The following PSMD1 variants were observed in gnomAD, a reference collection of about 807,000 sequenced individuals.
PSMD1 encodes proteasome 26S subunit, non-ATPase 1, also known as 26S proteasome non-ATPase regulatory subunit 1.
A neutral mutation model predicts 119.0 loss-of-function variants in PSMD1; 18 were observed. The ratio of observed to expected loss-of-function variants is 0.15; its 90% CI spans 0.10 to 0.22. The LOEUF is 0.22. Ranked by LOEUF, PSMD1 falls within the 10% of genes least tolerant of loss-of-function variation. The pLI is 1.00. For synonymous variants in PSMD1, 374 were observed against 396.6 expected (o/e 0.94, Z 0.68); for missense variants, 702 against 1,158.5 (o/e 0.61, Z 5.72).
At chr2:231,060,487 A>T (rs543784057) in intron 1 of PSMD1, 1 of 152,212 alleles carries the variant, frequency 6.6e-6, no homozygotes, top group African/African-American at 2.4e-5. Flanking sequence ...TTAGTACAAT[A>T]ATTTCCCATA....
rs1401693040 is a variant in PSMD1, at chr2:231,161,477, A to G, written c.2356A>G (p.Thr786Ala). Residue 786 changes from threonine to alanine, a missense_variant, in exon 20 of 25, where the codon ACC becomes GCC. Coordinates refer to ENST00000308696, the MANE Select transcript of PSMD1 (RefSeq NM_002807.4). ...SHFLSLAYTP[T>A]CVIGLNKDLK... ...CTTCCTGTCATTGGCTTATACCCCT[A>G]CCTGTGTCATTGGCCTTAACAAGGA... 6.2e-7 allele frequency: 1 copy of G among 1,613,946 alleles called. No individual in the cohort carries two copies. Among genetic ancestry groups the G allele is most frequent in the Admixed American group, 1.7e-5 (1 of 59,980 alleles).
intron 4 of PSMD1, among the ~76,000 whole-genome samples, chr2:231,064,799 G>A (rs1223045475): frequency 6.6e-6 from 1 of 152,034 alleles, no homozygotes; most frequent in Admixed American, 6.5e-5. Context: ...CCAAGTAGCT[G>A]GGATGACAGG....
At position 231,082,958 on chromosome 2, in the gene PSMD1, C is replaced by G. The variant is rs1239584722; in HGVS notation, c.1489C>G (p.Leu497Val). ...TGCACGTCAAGATGTTTATGATTTG[C>G]TAAAAACAAACCTTTATCAGGATGA... ...GTARQDVYDL[L>V]KTNLYQDDAV... is the part of the protein sequence containing the mutation. Residue 497 changes from leucine to valine, a missense_variant, in exon 13 of 25, where the codon CTA (leucine) becomes GTA (valine). By Grantham distance (32) the Leu-to-Val change is conservative. Around this residue, in one of 9 missense-constraint regions of PSMD1, gnomAD observed 272 missense variants for 511.6 expected, o/e 0.53. Coordinates refer to ENST00000308696, the MANE Select transcript of PSMD1 (RefSeq NM_002807.4). 1 of 1,613,806 alleles carries G rather than the reference C, an allele frequency of 6.2e-7. No homozygotes were observed.
chr2:231,078,999 T>C (rs1326665934), intron 10 of PSMD1, among the ~76,000 whole-genome samples: 4 of 152,136 alleles, frequency 2.6e-5, no homozygotes, highest in African/African-American at 9.7e-5. Context: ...TTTGCCATGT[T>C]GGCCAGGCTG....
intron 19 of PSMD1, among the ~76,000 whole-genome samples, chr2:231,157,261 CAA>C (rs1392528274): frequency 6.7e-6 from 1 of 150,296 alleles, no homozygotes; most frequent in South Asian, 2.1e-4. Flanking sequence ...AGGAGCAATA[CAA>C]AAAAAGAAAA....
intron 20 of PSMD1, 33 bp from the exon 21 acceptor site, chr2:231,163,602 A>T: frequency 6.5e-7 from 1 of 1,534,460 alleles, no homozygotes; most frequent in Non-Finnish European, 9.0e-7. Flanking sequence ...CAGAGTACTT[A>T]AAGCCAATGT....
At chr2:231,115,013 T>C (rs541903858) in intron 16 of PSMD1, among the ~76,000 whole-genome samples, 1 of 152,194 alleles carries the variant, frequency 6.6e-6, no homozygotes, top group Non-Finnish European at 1.5e-5. Flanking sequence ...AAATGTAATC[T>C]ACTTTTCTTC....
rs1298778692 is a variant in PSMD1 at position 231,138,713 on chromosome 2, C to T, written c.1884-23C>T. On this transcript the variant is annotated intron_variant, in intron 16 of 24. Coordinates refer to ENST00000308696, the MANE Select transcript of PSMD1 (RefSeq NM_002807.4). ...TAAAATAGATTACCTATAACAGTGG[C>T]TTCGCTTTCTGTTTCTTATCAGAAC... The T allele has an allele frequency of 1.9e-6, 3 of 1,553,316 alleles. No homozygotes were observed. The African/African-American group carries it at 4.1e-5, about 21-fold the overall frequency.
intron 16 of PSMD1, among the ~76,000 whole-genome samples, chr2:231,100,406 G>A (rs1047291391): frequency 6.6e-6 from 1 of 152,070 alleles, no homozygotes; most frequent in African/African-American, 2.4e-5. Flanking sequence ...ATTCTGATTG[G>A]CTAATTTAAA....
At chr2:231,094,672 A>G (rs1484466005) in intron 16 of PSMD1, among the ~76,000 whole-genome samples, 2 of 152,210 alleles carry the variant, frequency 1.3e-5, no homozygotes, top group Non-Finnish European at 2.9e-5. Context: ...TTCCATTTTT[A>G]CCAGAACCGT....
chr2:231,118,287 A>G (rs540011485), intron 16 of PSMD1, among the ~76,000 whole-genome samples: 1 of 152,280 alleles, frequency 6.6e-6, no homozygotes, highest in East Asian at 1.9e-4. Context: ...CTCAACCATG[A>G]AAACACTCCT....
At chr2:231,119,869 CAAA>C (rs78246469) in intron 16 of PSMD1, among the ~76,000 whole-genome samples, 1,930 of 80,090 alleles carry the variant, frequency 0.024, 32 homozygotes, top group African/African-American at 0.082. Flanking sequence ...GACTCCGTCT[CAAA>C]AAAAAAAAAA....
At chr2:231,083,141 A>G in intron 13 of PSMD1, 147 bp downstream of exon 13, 2 of 686,738 alleles carry the variant, frequency 2.9e-6, no homozygotes, top group Admixed American at 3.0e-5. Flanking sequence ...CCATTTGTCA[A>G]AGTTATCTTT....
At chr2:231,165,021 G>A in intron 21 of PSMD1, 179 bp from the exon 22 acceptor site, 2 of 34,740 alleles carry the variant, frequency 5.8e-5, no homozygotes, top group African/African-American at 2.2e-4. Context: ...TTTATTCTTT[G>A]ATTTATATAT....
At chr2:231,135,357 A>T (rs138359462) in intron 16 of PSMD1, among the ~76,000 whole-genome samples, 1 of 152,264 alleles carries the variant, frequency 6.6e-6, no homozygotes, top group Non-Finnish European at 1.5e-5. Context: ...AATGCTGTAG[A>T]ATTGTAAAGT....
intron 23 of PSMD1, among the ~76,000 whole-genome samples, chr2:231,167,020 T>A (rs528105064): frequency 6.6e-6 from 1 of 152,358 alleles, no homozygotes; most frequent in Admixed American, 6.5e-5. Flanking sequence ...TCTGTAAAAT[T>A]GATATGGTAA....
rs1696773411 is a variant in PSMD1 at position 231,166,017 on chromosome 2, A to G, written c.2715A>G (p.Pro905=). 6.2e-7 allele frequency: 1 copy of G among 1,611,576 alleles called. No individual in the cohort carries two copies. The highest frequency in any genetic ancestry group is 8.5e-7 in the Non-Finnish European group (1 of 1,179,064). The change falls in exon 23 of 25, where the codon CCA becomes CCG. Residue 905 remains proline, a splice_region_variant and synonymous_variant. Transcript: ENST00000308696. ...PETCRYQPFK[P]LSIGGIIILK... ...CCTGTAGATACCAGCCTTTCAAACC[A>G]GTAAGTTACCAGTGACTCTTAGCTG...
Position 231,165,986 on chromosome 2 carries a change from C to A in PSMD1, c.2684C>A (p.Pro895Gln). The change falls in exon 23 of 25, where the codon CCG becomes CAG. Residue 895 changes from proline to glutamine, a missense_variant. Physicochemically the swap from Pro to Gln is moderately conservative, Grantham distance 76 (BLOSUM62 -1). Around this residue, in one of 9 missense-constraint regions of PSMD1, gnomAD observed 152 missense variants for 239.3 expected, o/e 0.64. Coordinates refer to ENST00000308696, the MANE Select transcript of PSMD1 (RefSeq NM_002807.4). ...GCCCAGCTTAAGGTCCTAACCATGC[C>A]GGAGACCTGTAGATACCAGCCTTTC... ...MPAQLKVLTM[P>Q]ETCRYQPFKP... 1.2e-6 allele frequency: 2 copies of A among 1,613,702 alleles called. No individual in the cohort carries two copies. The highest frequency in any genetic ancestry group is 1.7e-6 in the Non-Finnish European group (2 of 1,179,786).
rs569648661 is a variant in PSMD1 at position 231,166,178 on chromosome 2, A to G, written c.2715+161A>G. On this transcript the variant is annotated intron_variant, in intron 23 of 24. Transcript: ENST00000308696. Reference sequence around the variant, plus strand: ...GAGAGAATGTTCTTTTCCATTTCATATAGATTTGGGAGAATTTTTCTTTTC... The same window carrying G: ...GAGAGAATGTTCTTTTCCATTTCATGTAGATTTGGGAGAATTTTTCTTTTC... Among the ~76,000 whole-genome samples, 5 of 152,320 alleles carry G rather than the reference A, an allele frequency of 3.3e-5. No homozygotes were observed. The South Asian group carries it at 1.0e-3, about 32-fold the overall frequency.
Sources: gnomAD v4.1 joint callset for allele counts (sites outside exome capture counted in the v4.1 genomes callset) on GRCh38, gnomAD v4.1.1 for gene constraint, gnomAD v4.1.1 regional missense constraint, MANE v1.5 for transcripts, NCBI Gene and HGNC (gene_info 2026-07-23, HGNC 2026-07-21) for gene names.